The following ZNF236 variants were observed in gnomAD, a reference collection of about 807,000 sequenced individuals.
ZNF236 encodes zinc finger protein 236, also known as regulated by glucose.
ZNF236 carries 50 observed loss-of-function variants against 191.2 expected under a neutral mutation model. That is an observed-to-expected ratio of 0.26 (90% CI 0.21 to 0.33). ZNF236 has a LOEUF of 0.33. ZNF236 is among the 10% of genes least tolerant of loss of function. The probability of loss-of-function intolerance (pLI) is 1.00; values close to 1 mark genes in which losing one functional copy is unlikely to be tolerated. For synonymous variants in ZNF236, 907 were observed against 928.8 expected, an observed-to-expected ratio of 0.98 and a Z score of 0.43; for missense variants, 1,754 against 2,374.5, an observed-to-expected ratio of 0.74 and a Z score of 5.43.
intron 30 of ZNF236, among the ~76,000 whole-genome samples, chr18:76,963,247 C>T (rs1968702938): frequency 6.6e-6 from 1 of 152,078 alleles, no homozygotes; most frequent in Non-Finnish European, 1.5e-5. Context: ...AGGTATGTCC[C>T]TTGTATGCCG....
intron 10 of ZNF236, among the ~76,000 whole-genome samples, chr18:76,897,786 A>G (rs1189941193): frequency 6.6e-6 from 1 of 152,306 alleles, no homozygotes; most frequent in African/African-American, 2.4e-5. Context: ...TGCACACAGT[A>G]CTGCACACAG....
intron 10 of ZNF236, 184 bp downstream of exon 10, chr18:76,895,469 G>C (rs1174596928): frequency 1.7e-5 from 14 of 824,472 alleles, no homozygotes; most frequent in Non-Finnish European, 2.6e-5. Context: ...CCGCAATGCA[G>C]CACCCACACC....
intron 25 of ZNF236, among the ~76,000 whole-genome samples, chr18:76,935,520 T>C (rs1288309345): frequency 6.6e-6 from 1 of 152,212 alleles, no homozygotes; most frequent in East Asian, 1.9e-4. Flanking sequence ...AGAAGATCTT[T>C]GGTTCCTTTA....
At chr18:76,947,453 AG>A in intron 26 of ZNF236, 67 bp from the exon 27 acceptor site, 1 of 1,561,750 alleles carries the variant, frequency 6.4e-7, no homozygotes. Flanking sequence ...GCACCATAAA[AG>A]ATCTTTTAAA....
rs1977514514 is a variant in ZNF236, at chr18:76,899,061, G to A, written c.1733G>A (p.Arg578Gln). ...FACPHCDKKF[R>Q]TSGHRKTHIA... ...TGTCCTCACTGTGACAAAAAATTTC[G>A]AACCTCAGGCCATAGGAAGACTCAC... The change falls in exon 11 of 31, where the codon CGA becomes CAA. Residue 578 changes from arginine to glutamine, a missense_variant. By Grantham distance (43) the Arg-to-Gln change is conservative (BLOSUM62 1). Transcript: ENST00000320610. 1.9e-6 allele frequency: 3 copies of A among 1,614,026 alleles called. No homozygotes were observed. Among genetic ancestry groups the A allele is most frequent in the Non-Finnish European group, 2.5e-6 (3 of 1,179,980 alleles).
At chr18:76,926,261 C>A (rs183865015) in intron 22 of ZNF236, among the ~76,000 whole-genome samples, 3 of 151,268 alleles carry the variant, frequency 2.0e-5, no homozygotes, top group Admixed American at 2.0e-4. Context: ...GGTGATTAGA[C>A]TGTATGTGGA....
At chr18:76,826,194 C>T (rs762610182) in intron 1 of ZNF236, among the ~76,000 whole-genome samples, 27 of 151,890 alleles carry the variant, frequency 1.8e-4, no homozygotes, top group Non-Finnish European at 3.2e-4. Flanking sequence ...TCACTGCAAC[C>T]TCCGCCTCCC....
At chr18:76,941,924 A>G (rs138593108) in intron 26 of ZNF236, among the ~76,000 whole-genome samples, 1 of 152,324 alleles carries the variant, frequency 6.6e-6, no homozygotes, top group African/African-American at 2.4e-5. Context: ...CAAAAACCAG[A>G]TGAAAACTTT....
intron 27 of ZNF236, among the ~76,000 whole-genome samples, chr18:76,948,931 A>G (rs1473852954): frequency 6.6e-6 from 1 of 152,156 alleles, no homozygotes; most frequent in African/African-American, 2.4e-5. Context: ...GGTTCTGGGT[A>G]TGAAATACAC....
At chr18:76,899,363 G>A (rs1483005520) in intron 11 of ZNF236, 141 bp downstream of exon 11, 6 of 724,248 alleles carry the variant, frequency 8.3e-6, no homozygotes, top group Admixed American at 6.0e-5. Context: ...GTTAAGCCTT[G>A]TTTTGCTTTA....
At position 76,913,815 on chromosome 18, in the gene ZNF236, G is replaced by A; in HGVS notation, c.2978G>A (p.Gly993Glu). ...HLKQHVRSHT[G>E]EKPYKCKLCG... is the part of the protein sequence containing the mutation. ...AAGCAGCATGTGCGGTCGCACACCG[G>A]GGAAAAGCCCTACAAGTGCAAGCTC... The change falls in exon 18 of 31, where the codon GGG becomes GAG. Residue 993 changes from glycine (G) to glutamate (E), a missense_variant. Coordinates refer to ENST00000320610, the MANE Select transcript of ZNF236 (RefSeq NM_001306089.2). The A allele has an allele frequency of 6.2e-7, 1 of 1,614,214 alleles. No homozygotes were observed. Among genetic ancestry groups the A allele is most frequent in the Non-Finnish European group, 8.5e-7 (1 of 1,180,038 alleles).
intron 1 of ZNF236, among the ~76,000 whole-genome samples, chr18:76,847,779 G>A (rs538546622): frequency 5.9e-5 from 9 of 152,276 alleles, no homozygotes; most frequent in African/African-American, 1.7e-4. Flanking sequence ...CCCGGCCCCA[G>A]CAATCATTTG....
At chr18:76,913,546 T>C (rs990294458) in intron 17 of ZNF236, among the ~76,000 whole-genome samples, 5 of 152,250 alleles carry the variant, frequency 3.3e-5, no homozygotes, top group Admixed American at 6.5e-5. Flanking sequence ...CAGAATTTGG[T>C]CTAACAAATG....
At chr18:76,916,718 G>T (rs887569896) in intron 19 of ZNF236, among the ~76,000 whole-genome samples, 1 of 152,350 alleles carries the variant, frequency 6.6e-6, no homozygotes, top group East Asian at 1.9e-4. Flanking sequence ...CACTCTTGGA[G>T]GTCACGGCTG....
At chr18:76,906,600 T>C (rs1977748902) in intron 13 of ZNF236, among the ~76,000 whole-genome samples, 1 of 152,236 alleles carries the variant, frequency 6.6e-6, no homozygotes, top group African/African-American at 2.4e-5. Context: ...CCTCTTCCAG[T>C]GTCCTTTCGT....
intron 19 of ZNF236, among the ~76,000 whole-genome samples, chr18:76,916,135 C>T (rs532432746): frequency 7.9e-5 from 12 of 152,280 alleles, no homozygotes; most frequent in African/African-American, 2.2e-4. Flanking sequence ...CATGCTTGGG[C>T]GCGCATGTTG....
chr18:76,859,455 GT>G (rs1976150787), intron 3 of ZNF236, among the ~76,000 whole-genome samples: 1 of 152,124 alleles, frequency 6.6e-6, no homozygotes, highest in Non-Finnish European at 1.5e-5. Flanking sequence ...AAGTATTTCT[GT>G]CTTAATAACT....
In ZNF236 at chr18:76,895,056, C is replaced by G; in HGVS notation, c.1461C>G (p.Pro487=). 1.2e-6 allele frequency: 2 copies of G among 1,611,604 alleles called. No homozygotes were observed. The highest frequency in any genetic ancestry group is 1.7e-6 in the Non-Finnish European group (2 of 1,180,010). ...ACGGCGTGCGCTGGCATGTGTGTCC[C>G]TACTGCGCCAAGGAGTTCCGCAAGC... The part of the protein sequence containing the change: ...EENGVRWHVC[P]YCAKEFRKPS... The change falls in exon 10 of 31, where the codon CCC becomes CCG. Residue 487 remains proline (P), a synonymous_variant. Coordinates refer to ENST00000320610, the MANE Select transcript of ZNF236 (RefSeq NM_001306089.2).
intron 1 of ZNF236, chr18:76,834,488 G>T: frequency 2.4e-6 from 1 of 411,414 alleles, no homozygotes; most frequent in Non-Finnish European, 4.7e-6. Flanking sequence ...TTTTCTACTT[G>T]GCGAGATTTG....
Sources: allele counts gnomAD v4.1 joint callset (sites outside exome capture counted in the v4.1 genomes callset), GRCh38; gene constraint gnomAD v4.1.1; transcripts MANE v1.5; gene names NCBI Gene and HGNC (gene_info 2026-07-23, HGNC 2026-07-21).